Variants in RAB2A observed in about 807,000 individuals in gnomAD.
The protein encoded by RAB2A is RAB2A, member RAS oncogene family.
RAB2A carries 7 observed loss-of-function variants against 32.5 expected under a neutral mutation model. The ratio of observed to expected loss-of-function variants is 0.22; its 90% CI spans 0.12 to 0.40. RAB2A has a LOEUF of 0.40. RAB2A is among the 10% of genes least tolerant of loss of function. The pLI is 1.00. For synonymous variants in RAB2A, 79 were observed against 85.2 expected, an observed-to-expected ratio of 0.93 and a Z score of 0.40; for missense variants, 108 against 260.7, an observed-to-expected ratio of 0.41 and a Z score of 4.03.
chr8:60,534,885 T>C (rs201276977), intron 1 of RAB2A, among the ~76,000 whole-genome samples: 2 of 142,428 alleles, frequency 1.4e-5, no homozygotes, highest in African/African-American at 2.6e-5. Context: ...CAGATATTTG[T>C]ACAATAATAA....
intron 1 of RAB2A, among the ~76,000 whole-genome samples, chr8:60,545,575 C>T (rs181837180): frequency 5.8e-4 from 89 of 152,272 alleles, no homozygotes; most frequent in Non-Finnish European, 1.1e-3. Context: ...CCATCACACC[C>T]GGCAAGGAAT....
chr8:60,620,723 A>T lies in RAB2A; in HGVS notation c.593A>T (p.His198Leu). The change falls in exon 8 of 8, where the codon CAT becomes CTT. Residue 198 changes from histidine (H) to leucine (L), a missense_variant. His to Leu is a moderately conservative substitution (Grantham distance 99). Transcript: ENST00000262646. Reference protein sequence around the residue: ...GPQHAATNATHAGNQGGQQAG... With the variant: ...GPQHAATNATLAGNQGGQQAG... Reference sequence around the variant, plus strand: ...CAGCATGCTGCTACCAATGCAACACATGCAGGCAATCAGGGAGGACAGCAG... The same window carrying T: ...CAGCATGCTGCTACCAATGCAACACTTGCAGGCAATCAGGGAGGACAGCAG... 1 of 1,613,952 alleles carries T rather than the reference A, an allele frequency of 6.2e-7. No individual in the cohort carries two copies. The highest frequency in any genetic ancestry group is 8.5e-7 in the Non-Finnish European group (1 of 1,179,978).
chr8:60,545,915 AT>A (rs1207820786), intron 1 of RAB2A, among the ~76,000 whole-genome samples: 1 of 152,174 alleles, frequency 6.6e-6, no homozygotes, highest in Admixed American at 6.5e-5. Context: ...TAAATTATTC[AT>A]TTTTCATTAA....
At chr8:60,582,991 G>A (rs934734850) in intron 3 of RAB2A, among the ~76,000 whole-genome samples, 3 of 151,326 alleles carry the variant, frequency 2.0e-5, no homozygotes, top group East Asian at 1.9e-4. Context: ...CTGAATGCCT[G>A]CTATATGCCG....
At chr8:60,519,291 A>G (rs961936594) in intron 1 of RAB2A, among the ~76,000 whole-genome samples, 6 of 152,176 alleles carry the variant, frequency 3.9e-5, no homozygotes, top group East Asian at 1.9e-4. Context: ...AGTGAACTCT[A>G]TATTTTAGCC....
At chr8:60,558,967 A>G (rs753297117) in intron 2 of RAB2A, 44 bp downstream of exon 2, 1 of 1,427,876 alleles carries the variant, frequency 7.0e-7, no homozygotes, top group East Asian at 2.3e-5. Context: ...AGTTTTGGAT[A>G]GTTTAAATGG....
rs542219914 is a variant in RAB2A, at chr8:60,601,702, T to C, written c.474+9733T>C. 4.6e-5 allele frequency among the ~76,000 whole-genome samples: 7 copies of C among 152,348 alleles called. No homozygotes were observed. The East Asian group carries it at 1.3e-3, about 29-fold the overall frequency. ...AGCTAAAGATGAAATTGTACTAATA[T>C]GGAATAAGAAAGTCCTGGTTAGAAG... On this transcript the variant is annotated intron_variant, in intron 6 of 7. Coordinates refer to ENST00000262646, the MANE Select transcript of RAB2A (RefSeq NM_002865.3).
chr8:60,532,426 C>G (rs1807490661), intron 1 of RAB2A, among the ~76,000 whole-genome samples: 1 of 152,108 alleles, frequency 6.6e-6, no homozygotes, highest in African/African-American at 2.4e-5. Flanking sequence ...ATTGAGTCAC[C>G]AGTCCTCTAT....
intron 1 of RAB2A, among the ~76,000 whole-genome samples, chr8:60,538,987 A>G (rs1476953640): frequency 6.6e-6 from 1 of 152,236 alleles, no homozygotes; most frequent in Admixed American, 6.5e-5. Flanking sequence ...TCATTTCCCC[A>G]TCTGAAAAAT....
intron 1 of RAB2A, among the ~76,000 whole-genome samples, chr8:60,553,843 G>C (rs1293056193): frequency 6.6e-6 from 1 of 152,134 alleles, no homozygotes; most frequent in East Asian, 1.9e-4. Flanking sequence ...CTTGGGGATT[G>C]GTAGAATCTT....
At chr8:60,545,474 G>A (rs1259250195) in intron 1 of RAB2A, among the ~76,000 whole-genome samples, 1 of 151,312 alleles carries the variant, frequency 6.6e-6, no homozygotes, top group African/African-American at 2.4e-5. Flanking sequence ...TTGTAGAGGT[G>A]CCATGTTGCC....
rs1320917817 is a variant in RAB2A at position 60,623,245 on chromosome 8, ATT to A, written c.*2478_*2479del. The stretch of plus-strand genomic sequence containing the variant: ...GAAACAGGATATACAACTGCATACA[ATT>A]TGTTTTTAATGATATTTTAAAATAG... On this transcript the variant is annotated 3_prime_UTR_variant, in exon 8 of 8. Coordinates refer to ENST00000262646, the MANE Select transcript of RAB2A (RefSeq NM_002865.3). 2 of 152,226 alleles carry A rather than the reference ATT, an allele frequency of 1.3e-5. No individual in the cohort carries two copies. Among genetic ancestry groups the A allele is most frequent in the Non-Finnish European group, 2.9e-5 (2 of 68,030 alleles). The allele number at this position is 152,226 out of a possible 1,614,324, so 9.4% of individuals were successfully genotyped here.
At chr8:60,567,831 A>G (rs908926197) in intron 2 of RAB2A, among the ~76,000 whole-genome samples, 4 of 151,832 alleles carry the variant, frequency 2.6e-5, no homozygotes, top group Non-Finnish European at 5.9e-5. Context: ...GTAAGTTACA[A>G]TTTTTTCCTA....
chr8:60,591,454 A>G (rs535443681), intron 5 of RAB2A, among the ~76,000 whole-genome samples: 1 of 152,246 alleles, frequency 6.6e-6, no homozygotes, highest in South Asian at 2.1e-4. Context: ...TGAGAGTTGT[A>G]TTTTAATCAC....
At chr8:60,584,840 C>T in intron 5 of RAB2A, 25 bp downstream of exon 5, 2 of 1,521,672 alleles carry the variant, frequency 1.3e-6, no homozygotes, top group Non-Finnish European at 1.8e-6. Flanking sequence ...TTAGAGCTTA[C>T]ATTGCATTAG....
intron 6 of RAB2A, among the ~76,000 whole-genome samples, chr8:60,611,140 CCTTT>C (rs1427662879): frequency 2.0e-5 from 3 of 152,172 alleles, no homozygotes; most frequent in Non-Finnish European, 2.9e-5. Context: ...CACCATCTGA[CCTTT>C]CTTTCTTGGG....
intron 1 of RAB2A, among the ~76,000 whole-genome samples, chr8:60,524,659 TAACTC>T (rs992661975): frequency 1.3e-5 from 2 of 152,236 alleles, no homozygotes; most frequent in Non-Finnish European, 2.9e-5. Context: ...CAGTGTTTCT[TAACTC>T]AAACTATTAA....
chr8:60,532,323 C>G (rs941705992), intron 1 of RAB2A, among the ~76,000 whole-genome samples: 1 of 152,036 alleles, frequency 6.6e-6, no homozygotes, highest in Non-Finnish European at 1.5e-5. Flanking sequence ...ATATGTGTCC[C>G]AAATTATTTA....
intron 6 of RAB2A, among the ~76,000 whole-genome samples, chr8:60,610,723 T>A (rs1804327916): frequency 6.6e-6 from 1 of 152,194 alleles, no homozygotes; most frequent in Admixed American, 6.5e-5. Context: ...AACTCTGACT[T>A]TGAAAGTTGC....
Sources: allele counts gnomAD v4.1 joint callset (sites outside exome capture counted in the v4.1 genomes callset), GRCh38; gene constraint gnomAD v4.1.1; transcripts MANE v1.5; gene names NCBI Gene and HGNC (gene_info 2026-07-23, HGNC 2026-07-21).